NBAS: variants seen among roughly 807,000 people sequenced by gnomAD.
NBAS encodes NBAS subunit of NRZ tethering complex.
NBAS carries 219 observed loss-of-function variants against 302.5 expected under a neutral mutation model. The observed-to-expected ratio is 0.72, with a 90% CI of 0.65 to 0.81. The LOEUF (loss-of-function observed/expected upper bound fraction) is 0.81. Ranked by LOEUF, NBAS falls within the 30% of genes least tolerant of loss-of-function variation. NBAS has a pLI of 0.00. For synonymous variants in NBAS, 1,118 were observed against 1,021.6 expected (o/e 1.09, Z -1.80); for missense variants, 2,932 against 2,841.6 (o/e 1.03, Z -0.72).
intron 32 of NBAS, 82 bp downstream of exon 32, chr2:15,366,498 C>T (rs776142799): frequency 6.5e-5 from 86 of 1,315,022 alleles, no homozygotes; most frequent in Non-Finnish European, 9.1e-5. Flanking sequence ...ACGCTGTAAG[C>T]ACATATTCTG....
the NBAS span, among the ~76,000 whole-genome samples, chr2:14,918,061 C>T: frequency 6.6e-6 from 1 of 152,100 alleles, no homozygotes; most frequent in Admixed American, 6.5e-5. Context: ...ACGGGTGCTC[C>T]AGTCTTTGTG....
chr2:15,119,303 C>CTTTTTTTTTT, the NBAS span, among the ~76,000 whole-genome samples: 2 of 107,768 alleles, frequency 1.9e-5, no homozygotes, highest in Non-Finnish European at 3.9e-5. Context: ...GAAATCCTTT[C>CTTTTTTTTTT]TTTTTTTTTT....
intron 35 of NBAS, among the ~76,000 whole-genome samples, chr2:15,332,659 G>A (rs1418929960): frequency 6.6e-6 from 1 of 151,700 alleles, no homozygotes; most frequent in Non-Finnish European, 1.5e-5. Flanking sequence ...ATATAAAAAT[G>A]AATGACATAT....
the NBAS span, among the ~76,000 whole-genome samples, chr2:14,989,248 T>C: frequency 6.6e-6 from 1 of 151,940 alleles, no homozygotes. Flanking sequence ...ATTATATATA[T>C]GGTTCCCACT....
At chr2:14,808,311 C>T in the NBAS span, among the ~76,000 whole-genome samples, 1 of 152,188 alleles carries the variant, frequency 6.6e-6, no homozygotes, top group Non-Finnish European at 1.5e-5. Context: ...CATCATGTGG[C>T]ATGGTGAATA....
chr2:15,224,707 C>T (rs1023249549), intron 47 of NBAS, among the ~76,000 whole-genome samples: 6 of 152,176 alleles, frequency 3.9e-5, no homozygotes, highest in South Asian at 2.1e-4. Context: ...CTTTCTAGTT[C>T]GTCCCAGGCT....
intron 35 of NBAS, among the ~76,000 whole-genome samples, chr2:15,339,468 A>G (rs1256913492): frequency 6.6e-6 from 1 of 152,186 alleles, no homozygotes; most frequent in Non-Finnish European, 1.5e-5. Context: ...CATCACATCC[A>G]TATCTTACTT....
the NBAS span, among the ~76,000 whole-genome samples, chr2:14,779,388 C>T: frequency 1.3e-4 from 20 of 152,146 alleles, no homozygotes; most frequent in Non-Finnish European, 2.5e-4. Context: ...TCACATCAGT[C>T]CTCTGCACCG....
intron 45 of NBAS, among the ~76,000 whole-genome samples, chr2:15,235,984 G>A (rs2147937556): frequency 6.6e-6 from 1 of 152,002 alleles, no homozygotes; most frequent in East Asian, 1.9e-4. Context: ...TTTTGTACTG[G>A]GTATATAATT....
At chr2:14,989,214 A>G in the NBAS span, among the ~76,000 whole-genome samples, 1 of 152,050 alleles carries the variant, frequency 6.6e-6, no homozygotes, top group African/African-American at 2.4e-5. Context: ...CTGAATTGTA[A>G]TATATCATTT....
At chr2:15,303,841 C>G (rs558721372) in intron 40 of NBAS, among the ~76,000 whole-genome samples, 2 of 152,324 alleles carry the variant, frequency 1.3e-5, no homozygotes, top group Non-Finnish European at 2.9e-5. Context: ...AGCTTTTCAG[C>G]TTTCTTAAAA....
intron 48 of NBAS, among the ~76,000 whole-genome samples, chr2:15,197,127 T>G (rs1572431301): frequency 6.6e-6 from 1 of 152,158 alleles, no homozygotes; most frequent in Non-Finnish European, 1.5e-5. Context: ...TAAGTTTGAA[T>G]TGTAGTCAAC....
the NBAS span, among the ~76,000 whole-genome samples, chr2:15,064,589 C>A: frequency 6.6e-6 from 1 of 152,048 alleles, no homozygotes; most frequent in African/African-American, 2.4e-5. Context: ...ATCTGGCCAA[C>A]AAAGAAAAGT....
At chr2:15,155,586 G>T in the NBAS span, among the ~76,000 whole-genome samples, 2 of 152,080 alleles carry the variant, frequency 1.3e-5, no homozygotes, top group Admixed American at 6.5e-5. Flanking sequence ...AGGGAATCAG[G>T]TCACCCTTCT....
the NBAS span, among the ~76,000 whole-genome samples, chr2:14,981,250 G>A: frequency 6.6e-6 from 1 of 152,094 alleles, no homozygotes; most frequent in Non-Finnish European, 1.5e-5. Flanking sequence ...CTTCCAGTCT[G>A]CAGAGAGAAA....
At chr2:15,560,354 C>T (rs1664852640) in intron 1 of NBAS, among the ~76,000 whole-genome samples, 1 of 152,188 alleles carries the variant, frequency 6.6e-6, no homozygotes. Flanking sequence ...ATCCCAAGAT[C>T]CAGTCCATAA....
intron 29 of NBAS, 91 bp downstream of exon 29, chr2:15,383,124 G>A: frequency 9.5e-7 from 1 of 1,051,266 alleles, no homozygotes. Context: ...TTACTTCCAG[G>A]GTAGCTTATG....
At chr2:14,882,202 T>C in the NBAS span, among the ~76,000 whole-genome samples, 2 of 152,140 alleles carry the variant, frequency 1.3e-5, no homozygotes, top group Non-Finnish European at 2.9e-5. Flanking sequence ...AATCCAAAGT[T>C]TGATTCCAAT....
the NBAS span, among the ~76,000 whole-genome samples, chr2:14,966,645 C>A: frequency 6.6e-6 from 1 of 152,150 alleles, no homozygotes; most frequent in Non-Finnish European, 1.5e-5. Flanking sequence ...AAACCCTCAG[C>A]AAAGTAGGAA....
Sources: gnomAD v4.1 joint callset for allele counts (sites outside exome capture counted in the v4.1 genomes callset) on GRCh38, gnomAD v4.1.1 for gene constraint, MANE v1.5 for transcripts, NCBI Gene and HGNC (gene_info 2026-07-23, HGNC 2026-07-21) for gene names.